COL25A1: variants seen among roughly 807,000 people sequenced by gnomAD.
COL25A1 encodes collagen type XXV alpha 1 chain, also known as collagen alpha-1(XXV) chain.
COL25A1 carries 103 observed loss-of-function variants against 128.4 expected under a neutral mutation model. The ratio of observed to expected loss-of-function variants is 0.80; its 90% CI spans 0.68 to 0.94. The LOEUF is 0.94. Ranked by LOEUF, COL25A1 falls within the 40% of genes least tolerant of loss-of-function variation. The pLI is 0.00. For synonymous variants in COL25A1, 279 were observed against 277.2 expected, an observed-to-expected ratio of 1.01 and a Z score of -0.06; for missense variants, 745 against 840.0, an observed-to-expected ratio of 0.89 and a Z score of 1.40.
chr4:108,935,147 C>A (rs1747253043), intron 11 of COL25A1, among the ~76,000 whole-genome samples: 1 of 152,030 alleles, frequency 6.6e-6, no homozygotes, highest in African/African-American at 2.4e-5. Context: ...TTTTTTTAAA[C>A]AAGCTGTGAA....
chr4:109,288,958 TATATACACACACAC>T (rs989174288), intron 3 of COL25A1, among the ~76,000 whole-genome samples: 3 of 69,652 alleles, frequency 4.3e-5, no homozygotes, highest in African/African-American at 2.0e-4. Flanking sequence ...TACTAAATTA[TATATACACACACAC>T]ACACACACAC....
rs185940527 is a variant in COL25A1 at position 108,844,547 on chromosome 4, G to A, written c.1601C>T (p.Pro534Leu). Residue 534 changes from proline (P) to leucine (L), a missense_variant, in exon 30 of 38, where the codon CCA becomes CTA. Physicochemically the swap from Pro to Leu is moderately conservative, Grantham distance 98. Around this residue, in one of 3 missense-constraint regions of COL25A1, gnomAD observed 387 missense variants for 441.9 expected, o/e 0.88. Transcript: ENST00000399132. ...GGGGCCAGGTGGGCCATGGGGACCT[G>A]GTGGGCCTGGTGGGCCTATGATCTG... ...GPSIIGPPGP[P>L]GPHGPPGPMG... is the part of the protein sequence containing the mutation. The A allele has an allele frequency of 6.2e-7, 1 of 1,613,398 alleles. No individual in the cohort carries two copies. Among genetic ancestry groups the A allele is most frequent in the Admixed American group, 1.7e-5 (1 of 59,910 alleles).
intron 8 of COL25A1, among the ~76,000 whole-genome samples, chr4:108,949,990 G>A (rs1275951881): frequency 6.6e-6 from 1 of 152,174 alleles, no homozygotes; most frequent in Non-Finnish European, 1.5e-5. Flanking sequence ...AGGCTTTACG[G>A]AGCTTAGAAT....
intron 3 of COL25A1, among the ~76,000 whole-genome samples, chr4:109,207,695 TAATTC>T (rs1777126183): frequency 6.6e-6 from 1 of 152,232 alleles, no homozygotes; most frequent in African/African-American, 2.4e-5. Flanking sequence ...AAATGTGTGC[TAATTC>T]TATTTACAAC....
chr4:109,199,856 C>G (rs1776414242), intron 3 of COL25A1, among the ~76,000 whole-genome samples: 1 of 152,156 alleles, frequency 6.6e-6, no homozygotes, highest in Non-Finnish European at 1.5e-5. Flanking sequence ...CAAGAAGAAG[C>G]CTGCTCTCCT....
At chr4:108,864,910 A>G (rs1737702123) in intron 20 of COL25A1, among the ~76,000 whole-genome samples, 1 of 152,260 alleles carries the variant, frequency 6.6e-6, no homozygotes, top group Non-Finnish European at 1.5e-5. Flanking sequence ...GCTCAAAGTG[A>G]CAAAGCTTTT....
chr4:108,847,540 C>T (rs182278603), intron 27 of COL25A1, among the ~76,000 whole-genome samples: 25 of 151,332 alleles, frequency 1.7e-4, no homozygotes, highest in African/African-American at 4.6e-4. Context: ...GGCAGCAGGA[C>T]GGCAACCCAA....
intron 3 of COL25A1, among the ~76,000 whole-genome samples, chr4:109,060,761 GAC>G (rs1761898562): frequency 6.6e-6 from 1 of 151,276 alleles, no homozygotes; most frequent in African/African-American, 2.4e-5. Flanking sequence ...GGGCTGTCAT[GAC>G]ACAATTTTTC....
intron 19 of COL25A1, among the ~76,000 whole-genome samples, chr4:108,872,875 T>C (rs1425652072): frequency 1.3e-4 from 20 of 152,010 alleles, no homozygotes. Context: ...AATTTTTCAG[T>C]TTTAACTTCT....
chr4:109,043,089 C>A (rs1025654856), intron 5 of COL25A1, among the ~76,000 whole-genome samples: 11 of 147,324 alleles, frequency 7.5e-5, no homozygotes, highest in Non-Finnish European at 1.5e-4. Context: ...CAACCTTGGG[C>A]AAATTATTTG....
intron 22 of COL25A1, 54 bp from the exon 23 acceptor site, chr4:108,861,025 T>C: frequency 6.7e-7 from 1 of 1,491,816 alleles, no homozygotes; most frequent in Non-Finnish European, 9.4e-7. Context: ...AATCTAGAAA[T>C]CTCGTGTAAG....
intron 30 of COL25A1, 135 bp downstream of exon 30, chr4:108,844,384 C>T (rs566337663): frequency 2.8e-4 from 407 of 1,447,086 alleles, no homozygotes; most frequent in Non-Finnish European, 3.7e-4. Flanking sequence ...TATCTCAAAG[C>T]ACCTGGTATT....
intron 8 of COL25A1, among the ~76,000 whole-genome samples, chr4:108,945,534 T>C (rs1266560162): frequency 2.7e-5 from 4 of 150,048 alleles, no homozygotes; most frequent in Non-Finnish European, 6.0e-5. Flanking sequence ...GGACATATTT[T>C]ACTTGGTTTT....
chr4:109,051,717 A>G (rs963656538), intron 3 of COL25A1, among the ~76,000 whole-genome samples: 3 of 152,098 alleles, frequency 2.0e-5, no homozygotes, highest in Non-Finnish European at 4.4e-5. Flanking sequence ...AACATCACTT[A>G]AACTAAGAAC....
chr4:109,192,331 T>C (rs942005814), intron 3 of COL25A1, among the ~76,000 whole-genome samples: 9 of 151,774 alleles, frequency 5.9e-5, no homozygotes, highest in African/African-American at 1.9e-4. Context: ...GAATTGGGAG[T>C]GGGGGGCTGC....
In COL25A1 at chr4:108,844,546, T is replaced by C; in HGVS notation, c.1602A>G (p.Pro534=). The C allele has an allele frequency of 6.2e-7, 1 of 1,613,426 alleles. No homozygotes were observed. The highest frequency in any genetic ancestry group is 8.5e-7 in the Non-Finnish European group (1 of 1,179,668). ...GPSIIGPPGP[P]GPHGPPGPMG... The stretch of plus-strand genomic sequence containing the variant: ...TGGGGCCAGGTGGGCCATGGGGACC[T>C]GGTGGGCCTGGTGGGCCTATGATCT... The change falls in exon 30 of 38, where the codon CCA becomes CCG. Residue 534 remains proline, a synonymous_variant. Coordinates refer to ENST00000399132, the MANE Select transcript of COL25A1 (RefSeq NM_198721.4).
At chr4:109,150,645 C>CT (rs1771408955) in intron 3 of COL25A1, among the ~76,000 whole-genome samples, 1 of 152,052 alleles carries the variant, frequency 6.6e-6, no homozygotes, top group Admixed American at 6.6e-5. Flanking sequence ...GGAAAAACAA[C>CT]TTTTTCTATG....
chr4:108,857,156 C>T (rs1296411279), intron 24 of COL25A1, among the ~76,000 whole-genome samples: 1 of 151,992 alleles, frequency 6.6e-6, no homozygotes, highest in Non-Finnish European at 1.5e-5. Context: ...AAAGTAGATA[C>T]CTCTTAAAGG....
At chr4:109,292,350 T>C (rs79209679) in intron 3 of COL25A1, among the ~76,000 whole-genome samples, 3,472 of 152,222 alleles carry the variant, frequency 0.023, 138 homozygotes, top group African/African-American at 0.078. Flanking sequence ...AGTTTTAATA[T>C]GTTATGGCTC....
Sources: allele counts gnomAD v4.1 joint callset (sites outside exome capture counted in the v4.1 genomes callset), GRCh38; gene constraint gnomAD v4.1.1; regional missense constraint gnomAD v4.1.1; transcripts MANE v1.5; gene names NCBI Gene and HGNC (gene_info 2026-07-23, HGNC 2026-07-21).